IL34: variants seen among roughly 807,000 people sequenced by gnomAD.
IL34 encodes the protein interleukin 34, also known as interleukin-34.
IL34 carries 17 observed loss-of-function variants against 25.3 expected under a neutral mutation model. That is an observed-to-expected ratio of 0.67 (90% confidence interval 0.46 to 1.01). The LOEUF (loss-of-function observed/expected upper bound fraction) is 1.01, where lower values mean the gene tolerates loss of function less well. Among genes scored for constraint, IL34 ranks in the 50% least tolerant of loss-of-function variants. IL34 has a pLI of 0.00. For synonymous variants in IL34, 174 were observed against 140.9 expected, an observed-to-expected ratio of 1.23 and a Z score of -1.66; for missense variants, 368 against 312.9, an observed-to-expected ratio of 1.18 and a Z score of -1.33.
intron 5 of IL34, 67 bp from the exon 6 acceptor site, chr16:70,659,925 CGGCTT>C: frequency 6.7e-7 from 1 of 1,489,332 alleles, no homozygotes; most frequent in African/African-American, 1.4e-5. Flanking sequence ...CAAGCACATG[CGGCTT>C]GGCTTAGTGG....
In IL34 at chr16:70,646,801, G is replaced by A. The variant is rs1327598417; in HGVS notation, c.-147G>A. 2.1e-5 allele frequency: 15 copies of A among 710,486 alleles called. No homozygotes were observed. Among genetic ancestry groups the A allele is most frequent in the African/African-American group, 7.6e-5 (4 of 52,476 alleles). 44.0% of individuals were successfully genotyped at this position (710,486 alleles called of 1,614,324 possible). A position where few individuals can be genotyped will look rare whatever the true frequency, so the allele number is the denominator to read the frequency against. The stretch of plus-strand genomic sequence containing the variant: ...GCCCTTGGGGCACCTGCTCACTCCC[G>A]CAGCCCAGCCACTCCTCCAGGGCCA... On this transcript the variant is annotated 5_prime_UTR_variant, in exon 1 of 6. Coordinates refer to ENST00000288098, the MANE Select transcript of IL34 (RefSeq NM_001393494.1).
intron 1 of IL34, among the ~76,000 whole-genome samples, chr16:70,639,369 G>A (rs2051728726): frequency 6.6e-6 from 1 of 152,204 alleles, no homozygotes; most frequent in Non-Finnish European, 1.5e-5. Context: ...TAGGAGGAAA[G>A]CACAATATTG....
At chr16:70,582,110 A>G (rs758197102) in intron 1 of IL34, among the ~76,000 whole-genome samples, 5 of 152,238 alleles carry the variant, frequency 3.3e-5, no homozygotes, top group South Asian at 2.1e-4. Flanking sequence ...TTCTTGGCCC[A>G]GAGCCTATTC....
In IL34 at chr16:70,599,861, G is replaced by T. The variant is rs995810082; in HGVS notation, c.-401+19812G>T. Reference sequence around the variant, plus strand: ...GGCCAGGTTTTTAATTTTTAATTTTGTAGAGATGGGGTCTCCCTATGTTGC... The same window carrying T: ...GGCCAGGTTTTTAATTTTTAATTTTTTAGAGATGGGGTCTCCCTATGTTGC... On this transcript the variant is annotated intron_variant, in intron 1 of 6. Transcript: ENST00000429149. 2.6e-5 allele frequency among the ~76,000 whole-genome samples: 4 copies of T among 151,850 alleles called. No homozygotes were observed. The East Asian group carries it at 7.7e-4, about 29-fold the overall frequency.
rs1050090590 is a variant in IL34, at chr16:70,660,403, G to A, written c.*216G>A. On this transcript the variant is annotated 3_prime_UTR_variant, in exon 6 of 6. Coordinates refer to ENST00000288098, the MANE Select transcript of IL34 (RefSeq NM_001393494.1). Reference sequence around the variant, plus strand: ...GCCTCACCTGGAGCGGAGGGGACCTGGGGACCTGAAGGTGGATGGGGACAC... The same window carrying A: ...GCCTCACCTGGAGCGGAGGGGACCTAGGGACCTGAAGGTGGATGGGGACAC... The A allele has an allele frequency of 1.0e-5, 5 of 493,626 alleles. No homozygotes were observed. The highest frequency in any genetic ancestry group is 3.8e-5 in the Admixed American group (1 of 26,312). 30.6% of individuals were successfully genotyped at this position (493,626 alleles called of 1,614,324 possible).
chr16:70,594,378 A>G (rs1052383020), intron 1 of IL34, among the ~76,000 whole-genome samples: 13 of 152,218 alleles, frequency 8.5e-5, no homozygotes, highest in Non-Finnish European at 1.9e-4. Context: ...GGGTGCTAAT[A>G]TAAATGGCAT....
intron 1 of IL34, among the ~76,000 whole-genome samples, chr16:70,637,150 G>A (rs9938385): frequency 0.09 from 13,644 of 151,756 alleles, 2,016 homozygotes; most frequent in African/African-American, 0.31. Flanking sequence ...GTGAGCTGCC[G>A]TGCCTGGCCG....
upstream of IL34, among the ~76,000 whole-genome samples, chr16:70,642,436 T>C (rs187039257): frequency 5.8e-3 from 876 of 152,128 alleles, 10 homozygotes; most frequent in African/African-American, 0.02. Context: ...TAGCTGGGAT[T>C]ACAGGCACCT....
chr16:70,624,562 A>G (rs2051349919), intron 1 of IL34, among the ~76,000 whole-genome samples: 2 of 152,178 alleles, frequency 1.3e-5, no homozygotes, highest in Non-Finnish European at 2.9e-5. Context: ...TTGCAGCCAA[A>G]CAAGTCATGA....
intron 1 of IL34, among the ~76,000 whole-genome samples, chr16:70,641,478 C>T (rs889127506): frequency 1.1e-4 from 16 of 151,922 alleles, no homozygotes; most frequent in African/African-American, 3.6e-4. Context: ...GATTGAAATA[C>T]ATAAATTAAA....
chr16:70,592,210 G>A (rs926417776), intron 1 of IL34, among the ~76,000 whole-genome samples: 4 of 147,714 alleles, frequency 2.7e-5, no homozygotes, highest in South Asian at 2.2e-4. Flanking sequence ...CTGCTGGCCC[G>A]GCTGAGGCTG....
intron 1 of IL34, among the ~76,000 whole-genome samples, chr16:70,587,043 C>T (rs2050703029): frequency 6.6e-6 from 1 of 152,152 alleles, no homozygotes; most frequent in South Asian, 2.1e-4. Context: ...TCCCAGAATG[C>T]TAGCTAGTGT....
intron 4 of IL34, among the ~76,000 whole-genome samples, chr16:70,659,407 T>C (rs2052323373): frequency 6.6e-6 from 1 of 152,244 alleles, no homozygotes; most frequent in Admixed American, 6.5e-5. Flanking sequence ...GCGAAGCCTC[T>C]GAGTTGTACA....
chr16:70,646,229 C>T (rs938868463), upstream of IL34, among the ~76,000 whole-genome samples: 8 of 152,086 alleles, frequency 5.3e-5, no homozygotes, highest in Admixed American at 2.6e-4. Context: ...AGTGGGAGCT[C>T]GTCTGCTTTT....
intron 1 of IL34, among the ~76,000 whole-genome samples, chr16:70,652,619 A>G (rs988172718): frequency 3.3e-5 from 5 of 152,244 alleles, no homozygotes; most frequent in Non-Finnish European, 7.3e-5. Context: ...GGCTACATGC[A>G]TTATTATGGA....
At chr16:70,642,837 C>A (rs1015283310), upstream of IL34, among the ~76,000 whole-genome samples, 1 of 152,130 alleles carries the variant, frequency 6.6e-6, no homozygotes, top group Non-Finnish European at 1.5e-5. Flanking sequence ...ATTGCATAAT[C>A]AATCCCATTT....
intron 1 of IL34, among the ~76,000 whole-genome samples, chr16:70,627,135 A>G (rs1369877011): frequency 1.3e-5 from 2 of 152,098 alleles, no homozygotes; most frequent in African/African-American, 4.8e-5. Context: ...GCCCTAAAAA[A>G]TATATTTTAA....
At chr16:70,592,161 G>GC (rs2050763108) in intron 1 of IL34, among the ~76,000 whole-genome samples, 1 of 150,542 alleles carries the variant, frequency 6.6e-6, no homozygotes, top group Non-Finnish European at 1.5e-5. Context: ...GGCTTCCCAG[G>GC]CCCCACTAAA....
In IL34 at chr16:70,610,189, G is replaced by A. The variant is rs189691725; in HGVS notation, c.-401+30140G>A. 3.0e-3 allele frequency among the ~76,000 whole-genome samples: 445 copies of A among 149,870 alleles called. 2 individuals carry two copies. The highest frequency in any genetic ancestry group is 0.011 in the African/African-American group (430 of 40,528). On this transcript the variant is annotated intron_variant, in intron 1 of 6. Coordinates refer to the IL34 transcript ENST00000429149. ...TCCACTCCAGCCTGGGCGAAAGAGC[G>A]AGACTCTATCTCAGAAAAAAAAAAA...
Sources: gnomAD v4.1 joint callset for allele counts (sites outside exome capture counted in the v4.1 genomes callset) on GRCh38, gnomAD v4.1.1 for gene constraint, MANE v1.5 for transcripts, NCBI Gene and HGNC (gene_info 2026-07-23, HGNC 2026-07-21) for gene names.